CPVL: variants seen among roughly 807,000 people sequenced by gnomAD.
CPVL encodes the protein carboxypeptidase vitellogenic like.
CPVL carries 51 observed loss-of-function variants against 63.7 expected under a neutral mutation model. That is an observed-to-expected ratio of 0.80 (90% CI 0.64 to 1.01). The LOEUF (loss-of-function observed/expected upper bound fraction) is 1.01. CPVL is among the 50% of genes least tolerant of loss of function. The pLI, the probability that CPVL is intolerant of heterozygous loss-of-function variation, is 0.00. For synonymous variants in CPVL, 195 were observed against 206.0 expected (o/e 0.95, Z 0.46); for missense variants, 530 against 573.1 (o/e 0.92, Z 0.77).
rs80138516 is a variant in CPVL, at chr7:29,063,265, T to A, written c.1137+796A>T. ...GACCTACTTCCAAACAGGGACCCTT[T>A]CTCATTCATCATTTCAACCTCACAC... On this transcript the variant is annotated intron_variant, in intron 11 of 12. Coordinates refer to ENST00000265394, the MANE Select transcript of CPVL (RefSeq NM_031311.5). Among the ~76,000 whole-genome samples, 555 of 152,304 alleles carry A rather than the reference T, an allele frequency of 3.6e-3. 3 individuals carry two copies. Among genetic ancestry groups the A allele is most frequent in the Non-Finnish European group, 5.7e-3 (388 of 68,028 alleles).
intron 3 of CPVL, among the ~76,000 whole-genome samples, chr7:29,102,465 G>A (rs1242789251): frequency 1.3e-5 from 2 of 152,190 alleles, no homozygotes; most frequent in East Asian, 1.9e-4. Flanking sequence ...TCTAAAATAT[G>A]AGTAATTCCC....
At position 29,002,922 on chromosome 7, in the gene CPVL, T is replaced by C. The variant is rs939144822; in HGVS notation, c.1321-7040A>G. Among the ~76,000 whole-genome samples the C allele has an allele frequency of 4.7e-5, 7 of 149,186 alleles. No individual in the cohort carries two copies. In the South Asian group the frequency reaches 6.4e-4, roughly 14 times the overall value. The stretch of plus-strand genomic sequence containing the variant: ...ATGAAACCATGAAACATTTAACTTA[T>C]GTTTAACTGGAATTTTAGGATAAAA... On this transcript the variant is annotated intron_variant, in intron 12 of 12. Coordinates refer to ENST00000265394, the MANE Select transcript of CPVL (RefSeq NM_031311.5).
At chr7:29,015,591 C>G (rs542586163) in intron 12 of CPVL, among the ~76,000 whole-genome samples, 1 of 152,164 alleles carries the variant, frequency 6.6e-6, no homozygotes, top group African/African-American at 2.4e-5. Context: ...AAGGAGATGC[C>G]GTCATGCTTC....
intron 12 of CPVL, among the ~76,000 whole-genome samples, chr7:29,024,552 T>C (rs1787307802): frequency 1.3e-5 from 2 of 152,188 alleles, no homozygotes; most frequent in South Asian, 4.1e-4. Flanking sequence ...ATTATAGTTA[T>C]ACTGTCAAAA....
At chr7:29,010,636 T>C (rs574771547) in intron 12 of CPVL, 3 of 152,320 alleles carry the variant, frequency 2.0e-5, no homozygotes, top group African/African-American at 4.8e-5. Context: ...ACAGACAATA[T>C]TGAACTCATT....
At chr7:29,085,807 G>A (rs1785144458) in intron 7 of CPVL, among the ~76,000 whole-genome samples, 1 of 152,166 alleles carries the variant, frequency 6.6e-6, no homozygotes, top group Non-Finnish European at 1.5e-5. Context: ...TTGCTCAAAT[G>A]TTTTGACATA....
At position 29,092,633 on chromosome 7, in the gene CPVL, C is replaced by T. The variant is rs778367687; in HGVS notation, c.532G>A (p.Asp178Asn). ...YAVNEDDVARDLYSALIQFFQ... is the reference protein window; with the variant it reads ...YAVNEDDVARNLYSALIQFFQ... ...GCAGGAGCATTTTACCTGTATAAATCCCGTGCTACATCGTCCTCATTGACT... is the reference window on the plus strand; with the variant it reads ...GCAGGAGCATTTTACCTGTATAAATTCCGTGCTACATCGTCCTCATTGACT... The change falls in exon 6 of 13, where the codon GAT becomes AAT. Residue 178 changes from aspartate (D) to asparagine (N), a missense_variant. Asp to Asn is a conservative substitution (Grantham distance 23, BLOSUM62 1). Coordinates refer to ENST00000265394, the MANE Select transcript of CPVL (RefSeq NM_031311.5). 2 of 1,612,810 alleles carry T rather than the reference C, an allele frequency of 1.2e-6. No homozygotes were observed. Among genetic ancestry groups the T allele is most frequent in the Non-Finnish European group, 1.7e-6 (2 of 1,178,786 alleles).
Position 29,171,138 on chromosome 7 carries a change from TC to T in CPVL, c.-11+10151del, listed in dbSNP as rs371817621. Among the ~76,000 whole-genome samples the T allele has an allele frequency of 9.1e-4, 139 of 152,192 alleles. 1 individual carries two copies. The highest frequency in any genetic ancestry group is 3.4e-3 in the Middle Eastern group (1 of 294). Reference sequence around the variant, plus strand: ...TGCTGGACATAATGAACTGCCGGTTTCCCCCCAGTTCTGACTCTTGCCTGCA... The same window carrying T: ...TGCTGGACATAATGAACTGCCGGTTTCCCCCAGTTCTGACTCTTGCCTGCA... On this transcript the variant is annotated intron_variant, in intron 5 of 16. Coordinates refer to the CPVL transcript ENST00000409850.
At chr7:29,119,818 A>ACACCAGCTGATATCTGCATG (rs1789175234) in intron 2 of CPVL, among the ~76,000 whole-genome samples, 1 of 152,202 alleles carries the variant, frequency 6.6e-6, no homozygotes, top group Admixed American at 6.5e-5. Context: ...TGAAGCCTAC[A>ACACCAGCTGATATCTGCATG]CACCAGCTGA....
chr7:29,032,932 C>T (rs1460224718), intron 11 of CPVL, among the ~76,000 whole-genome samples: 1 of 152,122 alleles, frequency 6.6e-6, no homozygotes, highest in Non-Finnish European at 1.5e-5. Context: ...GAGGACCATC[C>T]CTGAGTTGTT....
intron 12 of CPVL, among the ~76,000 whole-genome samples, chr7:29,025,956 T>G (rs1787451296): frequency 6.6e-6 from 1 of 152,184 alleles, no homozygotes. Context: ...AAACTGCACT[T>G]TAGACAAAAT....
At chr7:29,031,675 A>T (rs1002589569) in intron 11 of CPVL, among the ~76,000 whole-genome samples, 33 of 152,296 alleles carry the variant, frequency 2.2e-4, no homozygotes, top group African/African-American at 3.6e-4. Context: ...AAGAAATTTT[A>T]AAAAATTATA....
intron 6 of CPVL, among the ~76,000 whole-genome samples, chr7:29,089,744 A>C (rs1484626970): frequency 6.6e-6 from 1 of 152,208 alleles, no homozygotes. Flanking sequence ...ACAACTGCAA[A>C]ATTGCCCTAA....
Position 29,143,859 on chromosome 7 carries a change from T to C in CPVL, c.-11+2570A>G, listed in dbSNP as rs189274488. ...CACCCCAGGGTCTGAGTTAAAGCAA[T>C]GAAAGCATGTGATTTCATGTTCAAG... On this transcript the variant is annotated intron_variant, in intron 1 of 12. Coordinates refer to ENST00000265394, the MANE Select transcript of CPVL (RefSeq NM_031311.5). 2.4e-3 allele frequency among the ~76,000 whole-genome samples: 365 copies of C among 152,360 alleles called. 2 individuals are homozygous for C. Among genetic ancestry groups the C allele is most frequent in the African/African-American group, 8.6e-3 (357 of 41,588 alleles).
At chr7:29,093,494 C>T (rs1402084032) in intron 5 of CPVL, among the ~76,000 whole-genome samples, 1 of 151,706 alleles carries the variant, frequency 6.6e-6, no homozygotes, top group East Asian at 1.9e-4. Flanking sequence ...TCTTTATTTG[C>T]AAGAAATATG....
At chr7:29,039,505 C>T (rs532783088) in intron 11 of CPVL, among the ~76,000 whole-genome samples, 72 of 152,316 alleles carry the variant, frequency 4.7e-4, no homozygotes, top group African/African-American at 1.7e-3. Flanking sequence ...AAAAAGAACT[C>T]TGTGCTTTTA....
chr7:29,017,319 C>T lies in CPVL; in HGVS notation c.1320+13258G>A, dbSNP rs149546797. ...ACATTATATGAACCTGGCCTCACCA[C>T]CAAATCTTAGTGCCTTTGTAAAAAA... On this transcript the variant is annotated intron_variant, in intron 12 of 12. Coordinates refer to ENST00000265394, the MANE Select transcript of CPVL (RefSeq NM_031311.5). Among the ~76,000 whole-genome samples, 107 of 152,342 alleles carry T rather than the reference C, an allele frequency of 7.0e-4. 1 individual carries two copies. The highest frequency in any genetic ancestry group is 6.9e-3 in the East Asian group (36 of 5,190).
intron 5 of CPVL, among the ~76,000 whole-genome samples, chr7:29,176,621 AT>A (rs1386063005): frequency 1.3e-5 from 2 of 152,194 alleles, no homozygotes; most frequent in East Asian, 3.8e-4. Flanking sequence ...TTAAAAGGGT[AT>A]TTTTTAGGAA....
chr7:29,102,807 C>T (rs1584267701), intron 3 of CPVL, among the ~76,000 whole-genome samples: 1 of 152,094 alleles, frequency 6.6e-6, no homozygotes, highest in Non-Finnish European at 1.5e-5. Context: ...AAGGAACGGC[C>T]CAGAAAGAGA....
Sources: allele counts gnomAD v4.1 joint callset (sites outside exome capture counted in the v4.1 genomes callset), GRCh38; gene constraint gnomAD v4.1.1; transcripts MANE v1.5; gene names NCBI Gene and HGNC (gene_info 2026-07-23, HGNC 2026-07-21).